The following ZBTB20 variants were observed in gnomAD, a reference collection of about 807,000 sequenced individuals.
ZBTB20 encodes zinc finger and BTB domain containing 20.
Under a neutral mutation model 56.9 loss-of-function variants are expected in ZBTB20, and 9 were observed. That is an observed-to-expected ratio of 0.16 (90% CI 0.10 to 0.28). The LOEUF is 0.28. ZBTB20 is among the 10% of genes least tolerant of loss of function. The pLI is 1.00. For missense variants in ZBTB20, 655 were observed against 1,003.0 expected, an observed-to-expected ratio of 0.65 and a Z score of 4.69; for synonymous variants, 417 against 420.7, an observed-to-expected ratio of 0.99 and a Z score of 0.11.
chr3:114,920,208 T>A (rs1022048630), intron 3 of ZBTB20, among the ~76,000 whole-genome samples: 1 of 152,178 alleles, frequency 6.6e-6, no homozygotes, highest in East Asian at 1.9e-4. Flanking sequence ...CTTTCAAAAA[T>A]GGATAGATCA....
chr3:114,431,039 C>T (rs1222199616), intron 7 of ZBTB20, among the ~76,000 whole-genome samples: 1 of 151,532 alleles, frequency 6.6e-6, no homozygotes, highest in East Asian at 1.9e-4. Flanking sequence ...GGAGAGTCCC[C>T]TCCTCCCTGT....
At chr3:115,125,130 G>A (rs1379613695) in intron 1 of ZBTB20, among the ~76,000 whole-genome samples, 2 of 151,952 alleles carry the variant, frequency 1.3e-5, no homozygotes, top group African/African-American at 4.8e-5. Context: ...ACTGCTTGAG[G>A]TAAGAGTCTG....
chr3:114,409,466 G>A (rs1284388305), intron 7 of ZBTB20, among the ~76,000 whole-genome samples: 1 of 151,900 alleles, frequency 6.6e-6, no homozygotes, highest in African/African-American at 2.4e-5. Flanking sequence ...GTATGTTCAT[G>A]GCTGAAGGCA....
At chr3:114,703,285 C>T (rs1027719395) in intron 5 of ZBTB20, among the ~76,000 whole-genome samples, 1 of 152,126 alleles carries the variant, frequency 6.6e-6, no homozygotes, top group Non-Finnish European at 1.5e-5. Context: ...CTTCTCTCAT[C>T]CCTGTAAGGA....
At chr3:115,063,947 G>T (rs1416500485) in intron 2 of ZBTB20, among the ~76,000 whole-genome samples, 1 of 151,936 alleles carries the variant, frequency 6.6e-6, no homozygotes, top group African/African-American at 2.4e-5. Flanking sequence ...TAATATTTTT[G>T]AATACATTTG....
chr3:114,503,766 C>T (rs1196363917), intron 6 of ZBTB20, among the ~76,000 whole-genome samples: 4 of 152,006 alleles, frequency 2.6e-5, no homozygotes, highest in African/African-American at 9.7e-5. Flanking sequence ...GTTTAATCTT[C>T]GTATTATAAT....
At chr3:114,541,823 A>G (rs1305766048) in intron 6 of ZBTB20, among the ~76,000 whole-genome samples, 5 of 152,164 alleles carry the variant, frequency 3.3e-5, no homozygotes, top group Admixed American at 2.0e-4. Flanking sequence ...TAGCTGAGGA[A>G]ACTGTCATCA....
At chr3:114,857,099 C>T (rs766689676) in intron 4 of ZBTB20, among the ~76,000 whole-genome samples, 27 of 152,152 alleles carry the variant, frequency 1.8e-4, no homozygotes, top group Non-Finnish European at 2.5e-4. Flanking sequence ...AGCACATAAT[C>T]TCATGGATAT....
At chr3:114,523,858 A>G (rs1477502681) in intron 6 of ZBTB20, among the ~76,000 whole-genome samples, 4 of 152,216 alleles carry the variant, frequency 2.6e-5, no homozygotes, top group Non-Finnish European at 1.5e-5. Context: ...ACAGATATGG[A>G]AGAGTAAATG....
intron 5 of ZBTB20, among the ~76,000 whole-genome samples, chr3:114,795,787 A>C (rs951476914): frequency 6.6e-6 from 1 of 152,112 alleles, no homozygotes; most frequent in African/African-American, 2.4e-5. Flanking sequence ...TATCAATTTC[A>C]TGATGAAGGT....
In ZBTB20 at chr3:114,334,518, C is replaced by T. The variant is rs764775967; in HGVS notation, c.*4487G>A. ...GCTTTAGGACTGAATGTGAAACAAA[C>T]ATACCTGGAGGAAAACTTTTTTCAT... On this transcript the variant is annotated 3_prime_UTR_variant, in exon 12 of 12. Coordinates refer to ENST00000675478, the MANE Select transcript of ZBTB20 (RefSeq NM_001348800.3). The T allele has an allele frequency of 4.6e-5, 7 of 152,150 alleles. No individual in the cohort carries two copies. The highest frequency in any genetic ancestry group is 1.0e-4 in the Non-Finnish European group (7 of 68,018). 9.4% of individuals were successfully genotyped at this position (152,150 alleles called of 1,614,324 possible).
At chr3:114,396,287 T>C (rs2086333190) in intron 7 of ZBTB20, among the ~76,000 whole-genome samples, 1 of 151,990 alleles carries the variant, frequency 6.6e-6, no homozygotes, top group Non-Finnish European at 1.5e-5. Context: ...TTGTGGTAAA[T>C]GGAAAAAAAG....
intron 6 of ZBTB20, among the ~76,000 whole-genome samples, chr3:114,661,012 A>G (rs1378022326): frequency 6.6e-6 from 1 of 152,136 alleles, no homozygotes; most frequent in African/African-American, 2.4e-5. Context: ...CATGTGGATT[A>G]TCTAAACTAT....
At chr3:115,024,868 A>T (rs559595571) in intron 2 of ZBTB20, among the ~76,000 whole-genome samples, 18 of 151,364 alleles carry the variant, frequency 1.2e-4, no homozygotes, top group Non-Finnish European at 2.5e-4. Context: ...TAGTAGTAGT[A>T]GTTACCGCTA....
At chr3:115,119,885 G>C (rs891966058) in intron 1 of ZBTB20, among the ~76,000 whole-genome samples, 1 of 151,990 alleles carries the variant, frequency 6.6e-6, no homozygotes, top group African/African-American at 2.4e-5. Context: ...AGATGGAGGA[G>C]TCTTTAATGC....
chr3:114,428,306 A>C (rs1166709575), intron 7 of ZBTB20, among the ~76,000 whole-genome samples: 2 of 152,210 alleles, frequency 1.3e-5, no homozygotes, highest in African/African-American at 4.8e-5. Context: ...ATTAAAAGAA[A>C]AAAATGCAAA....
intron 4 of ZBTB20, among the ~76,000 whole-genome samples, chr3:114,870,487 A>G (rs1304628539): frequency 6.6e-6 from 1 of 151,376 alleles, no homozygotes; most frequent in Non-Finnish European, 1.5e-5. Context: ...AGAACAAGTG[A>G]TTAATGGAGC....
intron 11 of ZBTB20, among the ~76,000 whole-genome samples, chr3:114,342,899 T>G (rs1393147913): frequency 6.6e-6 from 1 of 152,164 alleles, no homozygotes; most frequent in Admixed American, 6.5e-5. Flanking sequence ...AGAAGTGGTA[T>G]ATGGATAAAA....
chr3:114,707,578 T>C (rs552730567), intron 5 of ZBTB20, among the ~76,000 whole-genome samples: 2 of 152,154 alleles, frequency 1.3e-5, no homozygotes, highest in South Asian at 4.1e-4. Context: ...GTTTTGAAAA[T>C]GTCGGGAACT....
Sources: gnomAD v4.1 joint callset for allele counts (sites outside exome capture counted in the v4.1 genomes callset) on GRCh38, gnomAD v4.1.1 for gene constraint, MANE v1.5 for transcripts, NCBI Gene and HGNC (gene_info 2026-07-23, HGNC 2026-07-21) for gene names.